The following XPNPEP3 variants were observed in gnomAD, a reference collection of about 807,000 sequenced individuals.
XPNPEP3 encodes X-prolyl aminopeptidase 3, also known as xaa-Pro aminopeptidase 3.
In XPNPEP3, 41 loss-of-function variants were observed where a neutral mutation model predicts 60.0. The observed-to-expected ratio is 0.68, with a 90% CI of 0.53 to 0.89. XPNPEP3 has a LOEUF of 0.89. XPNPEP3 is among the 40% of genes least tolerant of loss of function. The pLI, the probability that XPNPEP3 is intolerant of heterozygous loss-of-function variation, is 0.00. For synonymous variants in XPNPEP3, 212 were observed against 223.2 expected, an observed-to-expected ratio of 0.95 and a Z score of 0.45; for missense variants, 598 against 638.9, an observed-to-expected ratio of 0.94 and a Z score of 0.69.
intron 4 of XPNPEP3, among the ~76,000 whole-genome samples, chr22:40,891,466 T>A (rs1159292877): frequency 1.3e-4 from 19 of 151,022 alleles, no homozygotes; most frequent in African/African-American, 4.6e-4. Context: ...CAGCCTGGCC[T>A]ATATGGTGAA....
Position 40,905,288 on chromosome 22 carries a change from G to A in XPNPEP3, c.793-2299G>A, listed in dbSNP as rs189630020. Among the ~76,000 whole-genome samples, 248 of 152,106 alleles carry A rather than the reference G, an allele frequency of 1.6e-3. 3 individuals carry two copies. The highest frequency in any genetic ancestry group is 2.1e-3 in the South Asian group (10 of 4,822). The stretch of plus-strand genomic sequence containing the variant: ...GTAGAGACCGTGTTTCACTGTGTTA[G>A]CCAGGATGATCTTGATCTCTCCACC... On this transcript the variant is annotated intron_variant, in intron 4 of 9. Transcript: ENST00000357137.
At chr22:40,915,243 G>T (rs866428303) in intron 7 of XPNPEP3, among the ~76,000 whole-genome samples, 2 of 151,852 alleles carry the variant, frequency 1.3e-5, no homozygotes, top group Non-Finnish European at 2.9e-5. Flanking sequence ...GTAGAGATGG[G>T]ATTTCACCGT....
intron 1 of XPNPEP3, chr22:40,860,861 G>T: frequency 1.5e-6 from 1 of 665,730 alleles, no homozygotes; most frequent in Non-Finnish European, 2.4e-6. Context: ...ATACTGCCCA[G>T]GCAAATTCTT....
At chr22:40,894,522 T>G (rs2058100754) in intron 4 of XPNPEP3, among the ~76,000 whole-genome samples, 1 of 152,188 alleles carries the variant, frequency 6.6e-6, no homozygotes, top group Admixed American at 6.5e-5. Context: ...CTCGGTCAGC[T>G]ATTGAGCTAG....
intron 1 of XPNPEP3, among the ~76,000 whole-genome samples, chr22:40,865,195 A>T (rs1055546253): frequency 6.6e-6 from 1 of 152,040 alleles, no homozygotes; most frequent in African/African-American, 2.4e-5. Context: ...GCATACTCCA[A>T]TCTGTCTTCT....
chr22:40,871,155 G>C (rs889110530), intron 2 of XPNPEP3, among the ~76,000 whole-genome samples: 1 of 152,170 alleles, frequency 6.6e-6, no homozygotes, highest in Non-Finnish European at 1.5e-5. Flanking sequence ...TTGAGGTTAG[G>C]AGTTCGAGAC....
chr22:40,862,760 G>A, intron 1 of XPNPEP3: 1 of 985,290 alleles, frequency 1.0e-6, no homozygotes, highest in Non-Finnish European at 1.2e-6. Context: ...TTGGAAAGTT[G>A]TGTGTTTATG....
chr22:40,909,135 GC>G lies in XPNPEP3; in HGVS notation c.871del (p.Arg291GlyfsTer8). ...TGTTTTTCACAGTTTGAATTTGAAT[GC>G]CGGGCTCGTGGCGCAGACATTTTAG... ...AFLYAKFEFE[C>X]RARGADILAY... On this transcript the variant is annotated frameshift_variant, in exon 6 of 10. Coordinates refer to ENST00000357137, the MANE Select transcript of XPNPEP3 (RefSeq NM_022098.4). LOFTEE classifies it high-confidence loss of function. The G allele has an allele frequency of 1.9e-6, 3 of 1,614,190 alleles. No individual in the cohort carries two copies. Among genetic ancestry groups the G allele is most frequent in the African/African-American group, 1.3e-5 (1 of 75,048 alleles).
rs766942637 is a variant in XPNPEP3, at chr22:40,861,723, T to C, written c.64+4478T>C. On this transcript the variant is annotated intron_variant, in intron 1 of 9. Transcript: ENST00000357137. Reference sequence around the variant, plus strand: ...TTCTTTAAAAACATCATCTGGCTTATGGAATGTGAAGCCGTACTCACATTC... The same window carrying C: ...TTCTTTAAAAACATCATCTGGCTTACGGAATGTGAAGCCGTACTCACATTC... The C allele has an allele frequency of 4.3e-6, 7 of 1,613,980 alleles. No homozygotes were observed. In the South Asian group the frequency reaches 7.7e-5, roughly 18 times the overall value.
rs117777505 is a variant in XPNPEP3 at position 40,888,839 on chromosome 22, C to T, written c.792+2324C>T. On this transcript the variant is annotated intron_variant, in intron 4 of 9. Transcript: ENST00000357137. ...CACCGTTTCACATTCCCACTAGCAACGCACCAAGGGTTTCAATTTCTCCAC... is the reference window on the plus strand; with the variant it reads ...CACCGTTTCACATTCCCACTAGCAATGCACCAAGGGTTTCAATTTCTCCAC... Among the ~76,000 whole-genome samples, 128 of 152,200 alleles carry T rather than the reference C, an allele frequency of 8.4e-4. 1 individual carries two copies. The East Asian group carries it at 0.021, about 25-fold the overall frequency.
intron 4 of XPNPEP3, among the ~76,000 whole-genome samples, chr22:40,896,400 G>A (rs1368130690): frequency 2.0e-5 from 3 of 151,886 alleles, no homozygotes; most frequent in Admixed American, 2.0e-4. Context: ...GCACGGTGGC[G>A]CATGCCTGCA....
intron 1 of XPNPEP3, among the ~76,000 whole-genome samples, 193 bp downstream of exon 1, chr22:40,857,438 GGTATTT>G (rs2057908515): frequency 1.3e-5 from 2 of 152,240 alleles, no homozygotes; most frequent in Non-Finnish European, 2.9e-5. Flanking sequence ...CTACCGTTGA[GGTATTT>G]TGTGAAGCCG....
At chr22:40,896,630 C>CAA (rs906028890) in intron 4 of XPNPEP3, among the ~76,000 whole-genome samples, 4 of 129,008 alleles carry the variant, frequency 3.1e-5, no homozygotes, top group East Asian at 4.4e-4. Context: ...AGAGACTCTG[C>CAA]AAAAAAAAAA....
At chr22:40,864,800 C>A (rs1293741436) in intron 1 of XPNPEP3, among the ~76,000 whole-genome samples, 1 of 152,098 alleles carries the variant, frequency 6.6e-6, no homozygotes, top group East Asian at 1.9e-4. Flanking sequence ...TTGTGTCCTG[C>A]ATTTTGTGCT....
rs2058080344 is a variant in XPNPEP3, at chr22:40,889,214, G to A, written c.792+2699G>A. ...GCTGTTTTTAGGTTTTTGTAGAGAT[G>A]GGGTGTCACTATATTATCCAGGCTG... is the stretch of plus-strand genomic sequence containing the variant. On this transcript the variant is annotated intron_variant, in intron 4 of 9. Coordinates refer to ENST00000357137, the MANE Select transcript of XPNPEP3 (RefSeq NM_022098.4). Among the ~76,000 whole-genome samples, 3 of 151,814 alleles carry A rather than the reference G, an allele frequency of 2.0e-5. No homozygotes were observed. The South Asian group carries it at 6.3e-4, about 32-fold the overall frequency.
rs1467968145 is a variant in XPNPEP3 at position 40,931,815 on chromosome 22, A to G, written c.*5380A>G. 1 of 152,192 alleles carries G rather than the reference A, an allele frequency of 6.6e-6. No homozygotes were observed. The highest frequency in any genetic ancestry group is 1.5e-5 in the Non-Finnish European group (1 of 68,042). 9.4% of individuals were successfully genotyped at this position (152,192 alleles called of 1,614,324 possible). ...GAGTAACTTAAAGTACTGTGTGTGCATCTTCCTTCAAAACCTTGCTTTTTT... is the reference window on the plus strand; with the variant it reads ...GAGTAACTTAAAGTACTGTGTGTGCGTCTTCCTTCAAAACCTTGCTTTTTT... On this transcript the variant is annotated 3_prime_UTR_variant, in exon 10 of 10. Transcript: ENST00000357137.
intron 1 of XPNPEP3, chr22:40,862,605 C>A: frequency 1.0e-6 from 1 of 985,480 alleles, no homozygotes; most frequent in Non-Finnish European, 1.2e-6. Context: ...ATATGAGAGA[C>A]AGCTCAGGCT....
chr22:40,919,217 A>G (rs906970766), intron 7 of XPNPEP3, among the ~76,000 whole-genome samples: 6 of 152,130 alleles, frequency 3.9e-5, no homozygotes, highest in African/African-American at 1.4e-4. Flanking sequence ...GAAGTTTGCA[A>G]ACTTGAAGAT....
intron 1 of XPNPEP3, among the ~76,000 whole-genome samples, chr22:40,865,547 C>T (rs995272686): frequency 2.6e-5 from 4 of 152,004 alleles, no homozygotes; most frequent in African/African-American, 4.8e-5. Flanking sequence ...AGGCTGGTCT[C>T]GAACTCCCGA....
Sources: allele counts gnomAD v4.1 joint callset (sites outside exome capture counted in the v4.1 genomes callset), GRCh38; gene constraint gnomAD v4.1.1; transcripts MANE v1.5; gene names NCBI Gene and HGNC (gene_info 2026-07-23, HGNC 2026-07-21).